Variants in TNS1 observed in about 807,000 individuals in gnomAD.
The protein encoded by TNS1 is tensin-1.
Under a neutral mutation model 168.6 loss-of-function variants are expected in TNS1, and 62 were observed. The ratio of observed to expected loss-of-function variants is 0.37; its 90% CI spans 0.30 to 0.45. The LOEUF is 0.45. TNS1 is among the 20% of genes least tolerant of loss of function. TNS1 has a pLI of 1.00. For missense variants in TNS1, 2,240 were observed against 2,339.4 expected (o/e 0.96, Z 0.88); for synonymous variants, 934 against 933.2 (o/e 1.00, Z -0.02).
chr2:217,898,093 T>G (rs80279764), intron 7 of TNS1, 124 bp from the exon 8 acceptor site: 12,656 of 1,163,330 alleles, frequency 0.011, 140 homozygotes, highest in African/African-American at 0.039. Flanking sequence ...GCTTGGCTGC[T>G]CTTCAACCCA....
At chr2:217,956,886 A>G (rs1374662344) in intron 3 of TNS1, among the ~76,000 whole-genome samples, 3 of 152,176 alleles carry the variant, frequency 2.0e-5, no homozygotes, top group African/African-American at 4.8e-5. Context: ...AGTCAAACTG[A>G]GGCATGAGGC....
intron 32 of TNS1, among the ~76,000 whole-genome samples, chr2:217,807,425 A>G (rs1939357802): frequency 6.6e-6 from 1 of 152,252 alleles, no homozygotes; most frequent in South Asian, 2.1e-4. Flanking sequence ...CATCAGGTAC[A>G]ATCCAAGGAT....
At position 217,818,644 on chromosome 2, in the gene TNS1, A is replaced by G. The variant is rs1942319822; in HGVS notation, c.3688T>C (p.Ser1230Pro). Residue 1230 changes from serine (S) to proline (P), a missense_variant, in exon 24 of 33, where the codon TCT (serine) becomes CCT (proline). Around this residue, in one of 2 missense-constraint regions of TNS1, gnomAD observed 2,131 missense variants for 2,171.2 expected, o/e 0.98. Coordinates refer to ENST00000682258, the MANE Select transcript of TNS1 (RefSeq NM_001387777.1). The stretch of plus-strand genomic sequence containing the variant: ...GAGCTCTGGTAGTTTCTCTGGGCAG[A>G]CGGGCTGGGCTGTCCCAGGCTGCCT... The part of the protein sequence containing the change: ...RSGSLGQPSP[S>P]AQRNYQSSSP... 7 of 1,614,150 alleles carry G rather than the reference A, an allele frequency of 4.3e-6. No individual in the cohort carries two copies. The highest frequency in any genetic ancestry group is 5.9e-6 in the Non-Finnish European group (7 of 1,180,024).
intron 3 of TNS1, among the ~76,000 whole-genome samples, chr2:217,950,186 A>T (rs762251469): frequency 6.6e-6 from 1 of 152,262 alleles, no homozygotes; most frequent in African/African-American, 2.4e-5. Flanking sequence ...AGGAAAGGTT[A>T]AAGAAACCGA....
intron 4 of TNS1, among the ~76,000 whole-genome samples, chr2:217,918,479 G>A (rs1365977395): frequency 6.6e-6 from 1 of 152,214 alleles, no homozygotes; most frequent in Admixed American, 6.5e-5. Context: ...GCACCTCACA[G>A]AGACACGCAG....
rs538105629 is a variant in TNS1, at chr2:217,819,928, G to C, written c.3573-1169C>G. On this transcript the variant is annotated intron_variant, in intron 23 of 32. Coordinates refer to ENST00000682258, the MANE Select transcript of TNS1 (RefSeq NM_001387777.1). ...TGTGGGCTGGCCCTCCCTGGGCCAG[G>C]CTGGATAAGCTCAGGTTCACGGGGT... is the stretch of plus-strand genomic sequence containing the variant. Among the ~76,000 whole-genome samples, 847 of 152,300 alleles carry C rather than the reference G, an allele frequency of 5.6e-3. 9 individuals carry two copies. Among genetic ancestry groups the C allele is most frequent in the African/African-American group, 0.02 (816 of 41,560 alleles).
At chr2:217,856,020 T>A (rs925122468) in intron 18 of TNS1, among the ~76,000 whole-genome samples, 1 of 152,156 alleles carries the variant, frequency 6.6e-6, no homozygotes, top group African/African-American at 2.4e-5. Flanking sequence ...CCAGGACCCC[T>A]GGGAGATCTG....
At chr2:217,983,286 G>C (rs1452473847) in intron 2 of TNS1, among the ~76,000 whole-genome samples, 2 of 152,168 alleles carry the variant, frequency 1.3e-5, no homozygotes. Flanking sequence ...TACCTGAGCA[G>C]ATCATGGCCT....
chr2:217,838,273 T>C (rs1945443729), intron 19 of TNS1, among the ~76,000 whole-genome samples: 1 of 152,204 alleles, frequency 6.6e-6, no homozygotes, highest in African/African-American at 2.4e-5. Context: ...GCACCGAATC[T>C]CCTGGACAAA....
chr2:217,962,946 G>C (rs1305887067), intron 3 of TNS1, among the ~76,000 whole-genome samples: 1 of 152,190 alleles, frequency 6.6e-6, no homozygotes, highest in African/African-American at 2.4e-5. Flanking sequence ...TCCTGGTTTT[G>C]ATAACCGTGC....
Position 217,821,139 on chromosome 2 carries a change from G to A in TNS1, c.3572+601C>T, listed in dbSNP as rs984759386. 2.7e-5 allele frequency among the ~76,000 whole-genome samples: 4 copies of A among 149,132 alleles called. 1 individual carries two copies. The highest frequency in any genetic ancestry group is 1.9e-4 in the East Asian group (1 of 5,192). On this transcript the variant is annotated intron_variant, in intron 23 of 32. Coordinates refer to ENST00000682258, the MANE Select transcript of TNS1 (RefSeq NM_001387777.1). ...TCTGAGCTCCAAGCCCTTCACTCAT[G>A]TGTGGGCTTTGGGCCCATCTGACTC...
At chr2:218,005,411 C>A (rs1233333800), upstream of TNS1, among the ~76,000 whole-genome samples, 1 of 152,226 alleles carries the variant, frequency 6.6e-6, no homozygotes, top group Non-Finnish European at 1.5e-5. Context: ...ACCCTCCCTC[C>A]AGAATACCCC....
At chr2:217,928,728 A>T (rs1165104941) in intron 3 of TNS1, among the ~76,000 whole-genome samples, 2 of 149,832 alleles carry the variant, frequency 1.3e-5, no homozygotes, top group Admixed American at 6.7e-5. Context: ...CTCTTAAATC[A>T]CTGGCCCCAT....
chr2:217,905,332 G>A (rs951604708), intron 6 of TNS1: 14 of 437,228 alleles, frequency 3.2e-5, no homozygotes, highest in Non-Finnish European at 5.5e-5. Flanking sequence ...TAAGAGGCAT[G>A]CTCCCTGCTC....
intron 18 of TNS1, among the ~76,000 whole-genome samples, chr2:217,854,243 G>T (rs1947854374): frequency 6.6e-6 from 1 of 152,152 alleles, no homozygotes; most frequent in South Asian, 2.1e-4. Flanking sequence ...AAGTAGGGAG[G>T]TTTTGCTTAT....
chr2:217,857,306 G>A (rs1948255428), intron 18 of TNS1, among the ~76,000 whole-genome samples: 1 of 152,056 alleles, frequency 6.6e-6, no homozygotes, highest in Non-Finnish European at 1.5e-5. Flanking sequence ...TCACTTTATA[G>A]GCTGACAATG....
rs1392241595 is a variant in TNS1 at position 217,835,117 on chromosome 2, G to A, written c.3254C>T (p.Ser1085Phe). 6.3e-7 allele frequency: 1 copy of A among 1,589,980 alleles called. No homozygotes were observed. Among genetic ancestry groups the A allele is most frequent in the East Asian group, 2.3e-5 (1 of 43,030 alleles). Residue 1085 changes from serine (S) to phenylalanine (F), a missense_variant, in exon 21 of 33, where the codon TCC (serine) becomes TTC (phenylalanine). By Grantham distance (155) the Ser-to-Phe change is radical. Coordinates refer to ENST00000682258, the MANE Select transcript of TNS1 (RefSeq NM_001387777.1). Reference sequence around the variant, plus strand: ...CCCACTGGGTGGTGGGCTGCTCGGGGAGGTTCCCTCCATCTCCTCGAAGGC... The same window carrying A: ...CCCACTGGGTGGTGGGCTGCTCGGGAAGGTTCCCTCCATCTCCTCGAAGGC... ...KEAFEEMEGT[S>F]PSSPPPSGVR...
At chr2:217,963,473 T>TC (rs1323352446) in intron 3 of TNS1, among the ~76,000 whole-genome samples, 3 of 152,096 alleles carry the variant, frequency 2.0e-5, no homozygotes, top group Non-Finnish European at 2.9e-5. Context: ...CAGGCAGGAC[T>TC]CATGACCCCA....
intron 19 of TNS1, among the ~76,000 whole-genome samples, chr2:217,837,052 C>T (rs1945272173): frequency 6.6e-6 from 1 of 152,126 alleles, no homozygotes; most frequent in Non-Finnish European, 1.5e-5. Context: ...TGAGCTGGCT[C>T]CCAGAATCCT....
Sources: allele counts gnomAD v4.1 joint callset (sites outside exome capture counted in the v4.1 genomes callset), GRCh38; gene constraint gnomAD v4.1.1; regional missense constraint gnomAD v4.1.1; transcripts MANE v1.5; gene names NCBI Gene and HGNC (gene_info 2026-07-23, HGNC 2026-07-21).